Variants in HTR1F observed in about 807,000 individuals in gnomAD.
HTR1F encodes the protein 5-hydroxytryptamine receptor 1F, also known as 5-hydroxytryptamine (serotonin) receptor 1F, G protein-coupled.
A neutral mutation model predicts 24.0 loss-of-function variants in HTR1F; 17 were observed. The ratio of observed to expected loss-of-function variants is 0.71; its 90% CI spans 0.48 to 1.06. The LOEUF (loss-of-function observed/expected upper bound fraction) is 1.06. Ranked by LOEUF, HTR1F falls within the 50% of genes least tolerant of loss-of-function variation. The pLI, the probability that HTR1F is intolerant of heterozygous loss-of-function variation, is 0.00. For synonymous variants in HTR1F, 186 were observed against 156.8 expected, an observed-to-expected ratio of 1.19 and a Z score of -1.39; for missense variants, 391 against 427.8, an observed-to-expected ratio of 0.91 and a Z score of 0.76.
chr3:87,795,792 A>G (rs1055131444), intron 1 of HTR1F, among the ~76,000 whole-genome samples: 6 of 152,242 alleles, frequency 3.9e-5, no homozygotes, highest in Non-Finnish European at 7.3e-5. Context: ...TGAAACAGAC[A>G]TGATCCTTCC....
intron 1 of HTR1F, among the ~76,000 whole-genome samples, chr3:87,800,781 C>T (rs1308566816): frequency 6.6e-6 from 1 of 152,156 alleles, no homozygotes; most frequent in African/African-American, 2.4e-5. Flanking sequence ...TTCTGGAAAT[C>T]ACCTCAAAAA....
At chr3:87,944,339 CTT>C (rs2107446988) in intron 2 of HTR1F, among the ~76,000 whole-genome samples, 1 of 152,280 alleles carries the variant, frequency 6.6e-6, no homozygotes, top group Non-Finnish European at 1.5e-5. Context: ...TTGAGATAGT[CTT>C]TTTTGATTCT....
chr3:87,833,683 A>ACCC (rs1446707024), intron 2 of HTR1F, among the ~76,000 whole-genome samples: 1 of 151,996 alleles, frequency 6.6e-6, no homozygotes, highest in Non-Finnish European at 1.5e-5. Flanking sequence ...CTAGGGTTTC[A>ACCC]CTATATTGCC....
chr3:87,917,142 A>G (rs1268551532), intron 2 of HTR1F, among the ~76,000 whole-genome samples: 1 of 151,952 alleles, frequency 6.6e-6, no homozygotes, highest in Non-Finnish European at 1.5e-5. Context: ...CAAAATTAAA[A>G]TTAAAAAATT....
At chr3:87,918,422 G>A (rs752167446) in intron 2 of HTR1F, among the ~76,000 whole-genome samples, 1 of 152,092 alleles carries the variant, frequency 6.6e-6, no homozygotes, top group East Asian at 1.9e-4. Context: ...TTAGTAAAGA[G>A]GAAGTCAAAC....
chr3:87,828,378 A>T (rs547187197), intron 2 of HTR1F, among the ~76,000 whole-genome samples: 1 of 152,336 alleles, frequency 6.6e-6, no homozygotes, highest in African/African-American at 2.4e-5. Context: ...TTTCTAACAA[A>T]TACAGTTTAA....
intron 2 of HTR1F, among the ~76,000 whole-genome samples, chr3:87,928,203 A>G (rs1341186260): frequency 6.6e-6 from 1 of 151,634 alleles, no homozygotes; most frequent in Non-Finnish European, 1.5e-5. Context: ...GCACCACCAC[A>G]CCTGGCTAAT....
At chr3:87,936,556 G>A (rs1170408053) in intron 2 of HTR1F, among the ~76,000 whole-genome samples, 1 of 152,052 alleles carries the variant, frequency 6.6e-6, no homozygotes, top group African/African-American at 2.4e-5. Context: ...ACTCCAATAA[G>A]ATACCACAGA....
chr3:87,882,428 T>C (rs943860404), intron 2 of HTR1F, among the ~76,000 whole-genome samples: 3 of 152,016 alleles, frequency 2.0e-5, no homozygotes, highest in East Asian at 1.9e-4. Flanking sequence ...TGCGGCACTA[T>C]TCACAATAGC....
intron 2 of HTR1F, among the ~76,000 whole-genome samples, chr3:87,844,871 C>A (rs539008890): frequency 7.5e-4 from 113 of 151,500 alleles, no homozygotes; most frequent in Middle Eastern, 6.8e-3. Flanking sequence ...GGGCTCTGTT[C>A]TGTTCCATTG....
chr3:87,852,808 T>A lies in HTR1F; in HGVS notation c.-43+30684T>A, dbSNP rs560223776. Among the ~76,000 whole-genome samples, 18 of 151,938 alleles carry A rather than the reference T, an allele frequency of 1.2e-4. 1 individual carries two copies. The highest frequency in any genetic ancestry group is 4.4e-4 in the African/African-American group (18 of 41,362). ...ATTCTTCCGTGAGAAATTTGTTTTA[T>A]GTGTTTTAAACCACAAAATATTAAA... On this transcript the variant is annotated intron_variant, in intron 2 of 2. Transcript: ENST00000319595.
At chr3:87,902,588 TTTC>T (rs1706350332) in intron 2 of HTR1F, among the ~76,000 whole-genome samples, 1 of 152,042 alleles carries the variant, frequency 6.6e-6, no homozygotes, top group Non-Finnish European at 1.5e-5. Flanking sequence ...TGTTTGTTTG[TTTC>T]TTTTTTTTAT....
At chr3:87,864,466 C>T (rs1004505115) in intron 2 of HTR1F, among the ~76,000 whole-genome samples, 12 of 152,128 alleles carry the variant, frequency 7.9e-5, no homozygotes, top group Non-Finnish European at 1.2e-4. Context: ...TTTCCAGGAT[C>T]TCATCTGACA....
intron 2 of HTR1F, among the ~76,000 whole-genome samples, chr3:87,855,292 A>G (rs553213296): frequency 2.0e-5 from 3 of 152,098 alleles, no homozygotes; most frequent in Non-Finnish European, 2.9e-5. Context: ...AAGACAGAAC[A>G]TGAAGACCTG....
intron 2 of HTR1F, among the ~76,000 whole-genome samples, chr3:87,825,593 T>A (rs547354673): frequency 2.8e-4 from 42 of 152,292 alleles, no homozygotes; most frequent in African/African-American, 9.6e-4. Flanking sequence ...CAATTCATCA[T>A]ACAAAATATT....
intron 2 of HTR1F, among the ~76,000 whole-genome samples, chr3:87,942,740 T>G (rs866240685): frequency 4.4e-4 from 42 of 95,996 alleles, no homozygotes; most frequent in Middle Eastern, 4.6e-3. Flanking sequence ...AGCGGTGGCC[T>G]TTTTTTTTTT....
intron 2 of HTR1F, among the ~76,000 whole-genome samples, chr3:87,981,495 G>A (rs1324994072): frequency 1.3e-5 from 2 of 152,118 alleles, no homozygotes; most frequent in Admixed American, 6.6e-5. Flanking sequence ...ATGCCTGGCC[G>A]CAATTGTGGG....
chr3:87,931,128 A>G (rs1452577331), intron 2 of HTR1F, among the ~76,000 whole-genome samples: 1 of 150,000 alleles, frequency 6.7e-6, no homozygotes, highest in East Asian at 2.0e-4. Context: ...TACATGTGCC[A>G]TGCTGGTGTG....
At chr3:87,798,502 G>A (rs1703942328) in intron 1 of HTR1F, among the ~76,000 whole-genome samples, 1 of 151,424 alleles carries the variant, frequency 6.6e-6, no homozygotes, top group African/African-American at 2.4e-5. Context: ...CATAAAACCA[G>A]CAGAAAAACA....
Sources: allele counts gnomAD v4.1 joint callset (sites outside exome capture counted in the v4.1 genomes callset), GRCh38; gene constraint gnomAD v4.1.1; transcripts MANE v1.5; gene names NCBI Gene and HGNC (gene_info 2026-07-23, HGNC 2026-07-21).